Variants in INSL6 observed in about 807,000 individuals in gnomAD.
The protein encoded by INSL6 is insulin like 6.
In INSL6, 16 loss-of-function variants were observed where a neutral mutation model predicts 9.4. The observed-to-expected ratio is 1.70, with a 90% CI of 1.15 to 2.59. The LOEUF is 2.59. INSL6 is among the 30% of genes most tolerant of loss of function. The probability of loss-of-function intolerance (pLI) is 0.00; values close to 1 mark genes in which losing one functional copy is unlikely to be tolerated. For synonymous variants in INSL6, 154 were observed against 96.9 expected (o/e 1.59, Z -3.46); for missense variants, 391 against 257.3 (o/e 1.52, Z -3.56).
intron 1 of INSL6, among the ~76,000 whole-genome samples, chr9:5,168,908 G>T (rs1023830636): frequency 2.7e-5 from 4 of 149,262 alleles, no homozygotes; most frequent in African/African-American, 7.6e-5. Context: ...AGAAGAGACG[G>T]GCGGCCAATA....
At chr9:5,110,761 G>T in the INSL6 span, 1 of 384,598 alleles carries the variant, frequency 2.6e-6, no homozygotes, top group South Asian at 2.1e-5. Context: ...TCTGCGGACT[G>T]GCCATGCAGG....
chr9:5,077,560 G>A, the INSL6 span: 1 of 1,486,830 alleles, frequency 6.7e-7, no homozygotes, highest in Non-Finnish European at 8.9e-7. Context: ...TAAACAGTTG[G>A]CATGGGCCAT....
the INSL6 span, chr9:5,091,046 T>C: frequency 4.7e-5 from 16 of 342,494 alleles, no homozygotes; most frequent in Non-Finnish European, 8.1e-5. Flanking sequence ...TACATTTAAC[T>C]TTTTTTTTTT....
At chr9:5,158,939 T>C (rs1824869354), downstream of INSL6, among the ~76,000 whole-genome samples, 1 of 152,072 alleles carries the variant, frequency 6.6e-6, no homozygotes, top group African/African-American at 2.4e-5. Flanking sequence ...ACAAGAACTT[T>C]TCAAGACAGA....
chr9:5,024,547 C>T, the INSL6 span, among the ~76,000 whole-genome samples: 1 of 151,914 alleles, frequency 6.6e-6, no homozygotes, highest in East Asian at 1.9e-4. Flanking sequence ...AAGTTCTGTT[C>T]CTTGGGCATG....
the INSL6 span, chr9:5,089,841 C>A: frequency 6.4e-7 from 1 of 1,563,346 alleles, no homozygotes; most frequent in East Asian, 2.4e-5. Flanking sequence ...TTGTAAAGTA[C>A]AAGGGAGTGT....
chr9:5,035,009 A>G, the INSL6 span, among the ~76,000 whole-genome samples: 1 of 152,212 alleles, frequency 6.6e-6, no homozygotes, highest in Non-Finnish European at 1.5e-5. Flanking sequence ...ATAAGAAAAG[A>G]GAGAAGAATC....
chr9:5,182,432 T>C (rs1017046228), intron 1 of INSL6, among the ~76,000 whole-genome samples: 7 of 152,142 alleles, frequency 4.6e-5, no homozygotes, highest in Non-Finnish European at 8.8e-5. Context: ...TAAGTGAGGA[T>C]AATCACCTTC....
chr9:5,090,338 C>T, the INSL6 span: 1 of 795,776 alleles, frequency 1.3e-6, no homozygotes, highest in Non-Finnish European at 1.8e-6. Flanking sequence ...AAAGTTTTGT[C>T]ATCTTAGATT....
chr9:5,006,345 G>C, the INSL6 span, among the ~76,000 whole-genome samples: 52,176 of 151,824 alleles, frequency 0.34, 9,682 homozygotes, highest in African/African-American at 0.49. Flanking sequence ...GATTTTGTAT[G>C]CTGAGACTTT....
chr9:4,994,519 G>A, the INSL6 span, among the ~76,000 whole-genome samples: 1 of 152,046 alleles, frequency 6.6e-6, no homozygotes, highest in African/African-American at 2.4e-5. Context: ...TTTAAACCAG[G>A]GATTGGCAAG....
the INSL6 span, among the ~76,000 whole-genome samples, chr9:4,998,399 G>C: frequency 6.6e-6 from 1 of 152,066 alleles, no homozygotes; most frequent in African/African-American, 2.4e-5. Context: ...TGGGATTATA[G>C]GCGCGCACCA....
At chr9:5,051,822 C>T in the INSL6 span, among the ~76,000 whole-genome samples, 3 of 152,048 alleles carry the variant, frequency 2.0e-5, no homozygotes, top group Non-Finnish European at 4.4e-5. Context: ...ACCCAATTTG[C>T]AGAGTATCAA....
At chr9:5,068,580 G>T in the INSL6 span, among the ~76,000 whole-genome samples, 3 of 152,204 alleles carry the variant, frequency 2.0e-5, no homozygotes, top group African/African-American at 7.2e-5. Context: ...ATCAAGGCAT[G>T]AAGCAGCATG....
the INSL6 span, chr9:5,064,973 C>T: frequency 6.2e-7 from 1 of 1,608,808 alleles, no homozygotes; most frequent in South Asian, 1.1e-5. Flanking sequence ...ACATCATTAC[C>T]TCTGTAAAGA....
the INSL6 span, among the ~76,000 whole-genome samples, chr9:5,016,393 G>A: frequency 6.6e-6 from 1 of 152,144 alleles, no homozygotes; most frequent in South Asian, 2.1e-4. Context: ...ACCACAGACT[G>A]TGTATGTGTG....
the INSL6 span, among the ~76,000 whole-genome samples, chr9:5,035,887 C>T: frequency 6.6e-6 from 1 of 152,168 alleles, no homozygotes; most frequent in African/African-American, 2.4e-5. Context: ...CCAGGGCAGT[C>T]AGGCTGGAGA....
chr9:5,091,797 AC>A, the INSL6 span, among the ~76,000 whole-genome samples: 16 of 152,156 alleles, frequency 1.1e-4, no homozygotes, highest in South Asian at 4.2e-4. Context: ...CTGAATAAAA[AC>A]CTAGTATACT....
chr9:5,129,819 T>C (rs1279823613), intron 3 of INSL6, among the ~76,000 whole-genome samples: 1 of 152,174 alleles, frequency 6.6e-6, no homozygotes, highest in Admixed American at 6.5e-5. Context: ...GTATATCATA[T>C]AGCCTTTAAC....
Sources: gnomAD v4.1 joint callset for allele counts (sites outside exome capture counted in the v4.1 genomes callset) on GRCh38, gnomAD v4.1.1 for gene constraint, MANE v1.5 for transcripts, NCBI Gene and HGNC (gene_info 2026-07-23, HGNC 2026-07-21) for gene names.